NR2F6: variants seen among roughly 807,000 people sequenced by gnomAD.
NR2F6 encodes the protein nuclear receptor subfamily 2 group F member 6, also known as ERBA-related gene-2.
In NR2F6, 16 loss-of-function variants were observed where a neutral mutation model predicts 26.5. The ratio of observed to expected loss-of-function variants is 0.60; its 90% CI spans 0.41 to 0.92. The LOEUF (loss-of-function observed/expected upper bound fraction) is 0.92. NR2F6 is among the 40% of genes least tolerant of loss of function. NR2F6 has a pLI of 0.00. For synonymous variants in NR2F6, 325 were observed against 305.0 expected (o/e 1.07, Z -0.68); for missense variants, 536 against 631.7 (o/e 0.85, Z 1.62).
chr19:17,245,287 G>A lies in NR2F6; in HGVS notation c.-67C>T, dbSNP rs1490614234. On this transcript the variant is annotated 5_prime_UTR_variant, in exon 1 of 4. Transcript: ENST00000291442. The surrounding 1 kb of genome is among the most constrained non-coding windows in gnomAD (Gnocchi z 5.0). ...TCCCTCCGGGCACCCCTCTCGGCCCGGGGGACCCTACGCGGCGCGCATTCG... is the reference window on the plus strand; with the variant it reads ...TCCCTCCGGGCACCCCTCTCGGCCCAGGGGACCCTACGCGGCGCGCATTCG... 1 of 1,180,434 alleles carries A rather than the reference G, an allele frequency of 8.5e-7. No individual in the cohort carries two copies. The highest frequency in any genetic ancestry group is 1.6e-5 in the African/African-American group (1 of 62,014). The allele number at this position is 1,180,434 out of a possible 1,614,324, so 73.1% of individuals were successfully genotyped here.
At chr19:17,237,950 G>A (rs2073448683) in intron 2 of NR2F6, among the ~76,000 whole-genome samples, 1 of 152,060 alleles carries the variant, frequency 6.6e-6, no homozygotes, top group Non-Finnish European at 1.5e-5. Flanking sequence ...GACCAGCCTG[G>A]GCAACATAGC....
chr19:17,242,079 G>A (rs1192479027), intron 1 of NR2F6, among the ~76,000 whole-genome samples: 2 of 152,014 alleles, frequency 1.3e-5, no homozygotes, highest in African/African-American at 4.8e-5. Flanking sequence ...AGCACTTTGG[G>A]AGGCCGAGGC....
At chr19:17,237,511 G>A (rs572662075) in intron 2 of NR2F6, among the ~76,000 whole-genome samples, 7 of 152,010 alleles carry the variant, frequency 4.6e-5, no homozygotes, top group East Asian at 1.9e-4. Flanking sequence ...TCCGGGGTTC[G>A]AGTGATTCTC....
intron 2 of NR2F6, 33 bp from the exon 3 acceptor site, chr19:17,236,098 G>C (rs1476052781): frequency 3.1e-4 from 237 of 759,902 alleles, no homozygotes; most frequent in Non-Finnish European, 3.7e-4. Context: ...GGACATGGGG[G>C]CGGGAGGGGA....
At chr19:17,238,713 T>C (rs1181676016) in intron 2 of NR2F6, among the ~76,000 whole-genome samples, 1 of 152,058 alleles carries the variant, frequency 6.6e-6, no homozygotes, top group East Asian at 1.9e-4. Context: ...AGTGATCAGT[T>C]TTAAAAGAAA....
intron 1 of NR2F6, among the ~76,000 whole-genome samples, chr19:17,242,274 C>T (rs977740461): frequency 1.3e-5 from 2 of 152,278 alleles, no homozygotes; most frequent in African/African-American, 4.8e-5. Flanking sequence ...GTTGAGATCA[C>T]GCCATCGCAC....
chr19:17,232,695 A>AG, intron 3 of NR2F6, 69 bp from the exon 4 acceptor site: 1 of 1,480,214 alleles, frequency 6.8e-7, no homozygotes, highest in South Asian at 1.4e-5. Flanking sequence ...AGGGGTGACT[A>AG]GGGGACACCA....
intron 1 of NR2F6, 123 bp downstream of exon 1, chr19:17,244,818 ATC>A (rs2073488137): frequency 8.9e-7 from 1 of 1,127,984 alleles, no homozygotes; most frequent in Non-Finnish European, 1.2e-6. Context: ...CTGTGCCCCT[ATC>A]TCAGAGGGGG....
intron 2 of NR2F6, among the ~76,000 whole-genome samples, chr19:17,239,511 G>A (rs772191799): frequency 7.9e-5 from 12 of 151,936 alleles, no homozygotes; most frequent in African/African-American, 1.5e-4. Context: ...AAAAATATCC[G>A]GGCGAGATGG....
chr19:17,237,404 T>G (rs895795871), intron 2 of NR2F6, among the ~76,000 whole-genome samples: 1 of 144,832 alleles, frequency 6.9e-6, no homozygotes, highest in East Asian at 2.2e-4. Context: ...CCTCTCTCTC[T>G]CTCTCCCTCT....
Position 17,243,073 on chromosome 19 carries a change from C to T in NR2F6, c.278+1870G>A, listed in dbSNP as rs80053671. On this transcript the variant is annotated intron_variant, in intron 1 of 3. Transcript: ENST00000291442. ...ACAGTCCCCCTCTTACAGCACAGCTCCCCCAGTCTGCCACTAAGTGTTTTG... is the reference window on the plus strand; with the variant it reads ...ACAGTCCCCCTCTTACAGCACAGCTTCCCCAGTCTGCCACTAAGTGTTTTG... Among the ~76,000 whole-genome samples the T allele has an allele frequency of 8.5e-5, 13 of 152,290 alleles. No individual in the cohort carries two copies. The East Asian group carries it at 2.1e-3, about 25-fold the overall frequency.
At position 17,245,254 on chromosome 19, in the gene NR2F6, C is replaced by T. The variant is rs1023008870; in HGVS notation, c.-34G>A. ...GGCAGCGGGGCCGGGGCGCCCCCAC[C>T]GCGCTCTTCCCTCCGGGCACCCCTC... On this transcript the variant is annotated 5_prime_UTR_variant, in exon 1 of 4. Transcript: ENST00000291442. This position sits in a 1 kb window ranked among gnomAD's most constrained non-coding sequence, Gnocchi z 5.0. 1.1e-5 allele frequency: 14 copies of T among 1,225,806 alleles called. No individual in the cohort carries two copies. The highest frequency in any genetic ancestry group is 4.8e-5 in the African/African-American group (3 of 62,688). 75.9% of individuals were successfully genotyped at this position (1,225,806 alleles called of 1,614,324 possible).
At chr19:17,242,486 G>T (rs1279609048) in intron 1 of NR2F6, among the ~76,000 whole-genome samples, 1 of 152,164 alleles carries the variant, frequency 6.6e-6, no homozygotes, top group Non-Finnish European at 1.5e-5. Flanking sequence ...GTTCACGGGG[G>T]ACAGTGCCAA....
At chr19:17,240,079 C>T (rs1037768216) in intron 2 of NR2F6, among the ~76,000 whole-genome samples, 1 of 152,144 alleles carries the variant, frequency 6.6e-6, no homozygotes, top group Non-Finnish European at 1.5e-5. Context: ...AGAATACGCC[C>T]GTCCACCTGG....
At chr19:17,241,070 CCA>C (rs1045615214) in intron 1 of NR2F6, among the ~76,000 whole-genome samples, 1 of 151,972 alleles carries the variant, frequency 6.6e-6, no homozygotes, top group Non-Finnish European at 1.5e-5. Flanking sequence ...CGGGGTGATC[CCA>C]GAGAGAGGGT....
Position 17,245,380 on chromosome 19 carries a change from T to G in NR2F6, c.-160A>C. On this transcript the variant is annotated 5_prime_UTR_variant, in exon 1 of 4. Coordinates refer to ENST00000291442, the MANE Select transcript of NR2F6 (RefSeq NM_005234.4). The surrounding 1 kb of genome is among the most constrained non-coding windows in gnomAD (Gnocchi z 5.0). ...TTTTGCAGCAACTTCCTGCGGCCGG[T>G]CCTCGCGCCCGGGCGGAACTGGTCG... The G allele has an allele frequency of 1.9e-6, 1 of 527,268 alleles. No homozygotes were observed. The highest frequency in any genetic ancestry group is 2.7e-6 in the Non-Finnish European group (1 of 370,482). 32.7% of individuals were successfully genotyped at this position (527,268 alleles called of 1,614,324 possible).
chr19:17,240,949 G>A (rs1599456635), intron 1 of NR2F6, among the ~76,000 whole-genome samples, 184 bp from the exon 2 acceptor site: 1 of 152,176 alleles, frequency 6.6e-6, no homozygotes, highest in Non-Finnish European at 1.5e-5. Context: ...AGGATAACCC[G>A]GATGAGTGGT....
chr19:17,232,126 G>A lies in NR2F6; in HGVS notation c.*226C>T. 1 of 609,566 alleles carries A rather than the reference G, an allele frequency of 1.6e-6. No individual in the cohort carries two copies. Among genetic ancestry groups the A allele is most frequent in the South Asian group, 2.1e-5 (1 of 48,178 alleles). 37.8% of individuals were successfully genotyped at this position (609,566 alleles called of 1,614,324 possible). ...AGGATTGGACCCTCCATCCTGGACA[G>A]GGGTCCTGGGGAGGATGAGGCTGAG... On this transcript the variant is annotated 3_prime_UTR_variant, in exon 4 of 4. Transcript: ENST00000291442.
chr19:17,234,889 G>C (rs2073426920), intron 3 of NR2F6, among the ~76,000 whole-genome samples: 1 of 152,016 alleles, frequency 6.6e-6, no homozygotes, highest in East Asian at 1.9e-4. Flanking sequence ...AAAAAATAAA[G>C]TGGAAAAAAA....
Sources: allele counts gnomAD v4.1 joint callset (sites outside exome capture counted in the v4.1 genomes callset), GRCh38; gene constraint gnomAD v4.1.1; non-coding constraint Gnocchi (gnomAD v3.1); transcripts MANE v1.5; gene names NCBI Gene and HGNC (gene_info 2026-07-23, HGNC 2026-07-21).